GAS7: variants seen among roughly 807,000 people sequenced by gnomAD.
GAS7 encodes growth arrest specific 7, also known as growth arrest-specific protein 7.
A neutral mutation model predicts 71.1 loss-of-function variants in GAS7; 28 were observed. That is an observed-to-expected ratio of 0.39 (90% CI 0.29 to 0.54). The LOEUF (loss-of-function observed/expected upper bound fraction) is 0.54, where lower values mean the gene tolerates loss of function less well. Ranked by LOEUF, GAS7 falls within the 20% of genes least tolerant of loss-of-function variation. GAS7 has a pLI of 0.62. For missense variants in GAS7, 436 were observed against 627.8 expected (o/e 0.69, Z 3.27); for synonymous variants, 258 against 245.8 (o/e 1.05, Z -0.46).
At chr17:9,998,796 G>T (rs1328592104) in intron 2 of GAS7, among the ~76,000 whole-genome samples, 1 of 151,556 alleles carries the variant, frequency 6.6e-6, no homozygotes, top group African/African-American at 2.4e-5. Flanking sequence ...CCATCCTTAC[G>T]CCTGCATTCC....
intron 1 of GAS7, among the ~76,000 whole-genome samples, chr17:10,152,417 G>A (rs1193694789): frequency 1.3e-5 from 2 of 152,214 alleles, no homozygotes; most frequent in African/African-American, 4.8e-5. Context: ...CCTTGACTTT[G>A]TAAAGCATCA....
intron 1 of GAS7, among the ~76,000 whole-genome samples, chr17:10,111,351 G>A (rs2073810527): frequency 8.8e-6 from 1 of 113,266 alleles, no homozygotes; most frequent in Non-Finnish European, 1.9e-5. Flanking sequence ...GGATAACACA[G>A]TGAAACCCCG....
At chr17:9,962,577 G>C (rs1317298590) in intron 4 of GAS7, among the ~76,000 whole-genome samples, 1 of 152,204 alleles carries the variant, frequency 6.6e-6, no homozygotes, top group Admixed American at 6.5e-5. Flanking sequence ...AAGGGGAAGG[G>C]AGAGAACATT....
chr17:10,195,211 A>G (rs1425732333), intron 1 of GAS7, among the ~76,000 whole-genome samples: 1 of 151,898 alleles, frequency 6.6e-6, no homozygotes, highest in East Asian at 1.9e-4. Flanking sequence ...AAAAACCAAG[A>G]CCTCCTCCAA....
intron 1 of GAS7, among the ~76,000 whole-genome samples, chr17:10,086,585 A>G (rs1006581238): frequency 6.6e-6 from 1 of 152,196 alleles, no homozygotes. Flanking sequence ...ATGGCATGAA[A>G]AGGGAAGAAA....
rs115845138 is a variant in GAS7 at position 10,196,371 on chromosome 17, C to T, written c.183+1837G>A. The stretch of plus-strand genomic sequence containing the variant: ...AGAGCTGTCAGGGAACTGGTGATAA[C>T]GTGCACACACTGTGCCAAGCAGGTG... On this transcript the variant is annotated intron_variant, in intron 1 of 13. Coordinates refer to ENST00000432992, the MANE Select transcript of GAS7 (RefSeq NM_201433.2). 6.5e-3 allele frequency among the ~76,000 whole-genome samples: 989 copies of T among 152,294 alleles called. 8 individuals are homozygous for T. The highest frequency in any genetic ancestry group is 0.022 in the African/African-American group (905 of 41,552).
intron 1 of GAS7, among the ~76,000 whole-genome samples, chr17:10,174,508 T>A (rs1210010533): frequency 6.6e-6 from 1 of 151,718 alleles, no homozygotes; most frequent in African/African-American, 2.4e-5. Flanking sequence ...CTGGCTAACA[T>A]GGTGAAACCC....
intron 7 of GAS7, among the ~76,000 whole-genome samples, chr17:9,942,506 T>A (rs907146253): frequency 6.6e-6 from 1 of 152,170 alleles, no homozygotes; most frequent in Non-Finnish European, 1.5e-5. Flanking sequence ...AATTTATTGT[T>A]TCTTCATCTG....
intron 1 of GAS7, chr17:10,059,583 G>T: frequency 2.1e-6 from 1 of 481,044 alleles, no homozygotes; most frequent in South Asian, 8.8e-5. Context: ...GTCATCCAAG[G>T]AAGATTTCTC....
At position 9,914,287 on chromosome 17, in the gene GAS7, C is replaced by A. The variant is rs902803140; in HGVS notation, c.*2941G>T. On this transcript the variant is annotated 3_prime_UTR_variant, in exon 14 of 14. Coordinates refer to ENST00000432992, the MANE Select transcript of GAS7 (RefSeq NM_201433.2). ...TGTCACCCAAGCTGGAGTGCAGTGGCCCGATCTTGGTTCACTGCAATCTCC... is the reference window on the plus strand; with the variant it reads ...TGTCACCCAAGCTGGAGTGCAGTGGACCGATCTTGGTTCACTGCAATCTCC... 22 of 192,268 alleles carry A rather than the reference C, an allele frequency of 1.1e-4. No homozygotes were observed. The highest frequency in any genetic ancestry group is 4.7e-4 in the African/African-American group (20 of 42,974). The allele number at this position is 192,268 out of a possible 1,614,324, so 11.9% of individuals were successfully genotyped here. A position where few individuals can be genotyped will look rare whatever the true frequency, so the allele number is the denominator to read the frequency against.
rs1374785925 is a variant in GAS7 at position 9,919,866 on chromosome 17, G to A, written c.1139-161C>T. On this transcript the variant is annotated intron_variant, in intron 11 of 13. Coordinates refer to ENST00000432992, the MANE Select transcript of GAS7 (RefSeq NM_201433.2). This position sits in a 1 kb window ranked among gnomAD's most constrained non-coding sequence, Gnocchi z 5.0. ...GCAGTAGGAAGAAGAAGAAAGCAGA[G>A]CCAGGGAAGGAAGGGGGCAACCCAG... Among the ~76,000 whole-genome samples, 2 of 152,190 alleles carry A rather than the reference G, an allele frequency of 1.3e-5. No homozygotes were observed. The highest frequency in any genetic ancestry group is 2.9e-5 in the Non-Finnish European group (2 of 68,036).
intron 1 of GAS7, among the ~76,000 whole-genome samples, chr17:10,175,794 C>G (rs1014893664): frequency 2.6e-5 from 4 of 152,238 alleles, no homozygotes; most frequent in Admixed American, 2.0e-4. Flanking sequence ...GCTACTACAG[C>G]TGGCCATGCA....
chr17:10,115,521 G>A (rs965331684), intron 1 of GAS7, among the ~76,000 whole-genome samples: 9 of 152,196 alleles, frequency 5.9e-5, no homozygotes, highest in Non-Finnish European at 1.2e-4. Context: ...GCTGTGCCCC[G>A]GGGAAGCACA....
chr17:10,189,608 G>A (rs983991575), intron 1 of GAS7, among the ~76,000 whole-genome samples: 1 of 151,290 alleles, frequency 6.6e-6, no homozygotes, highest in African/African-American at 2.4e-5. Context: ...ATGTACATCT[G>A]CAGTCCCCCT....
intron 5 of GAS7, among the ~76,000 whole-genome samples, chr17:9,950,261 A>G (rs1040308698): frequency 2.0e-5 from 3 of 152,018 alleles, no homozygotes; most frequent in African/African-American, 7.2e-5. Context: ...TAATCCCAAG[A>G]CTTTGGGAAG....
At chr17:10,147,932 T>C (rs1371874812) in intron 1 of GAS7, among the ~76,000 whole-genome samples, 1 of 152,132 alleles carries the variant, frequency 6.6e-6, no homozygotes, top group Non-Finnish European at 1.5e-5. Flanking sequence ...AACTGCCACT[T>C]CCTAACCTGG....
At chr17:9,946,751 C>T in intron 6 of GAS7, 143 bp downstream of exon 6, 1 of 579,348 alleles carries the variant, frequency 1.7e-6, no homozygotes, top group South Asian at 2.0e-5. Flanking sequence ...GTTCCTGTCA[C>T]AGATGCAAAC....
At chr17:9,938,429 TC>T (rs969308703) in intron 8 of GAS7, among the ~76,000 whole-genome samples, 8 of 127,788 alleles carry the variant, frequency 6.3e-5, no homozygotes, top group African/African-American at 2.5e-4. Context: ...TGAGCTGAGA[TC>T]AGGCCACTCC....
At chr17:10,048,368 G>A (rs963722783) in intron 1 of GAS7, among the ~76,000 whole-genome samples, 10 of 152,056 alleles carry the variant, frequency 6.6e-5, no homozygotes, top group African/African-American at 2.2e-4. Context: ...AAAGAGAAAG[G>A]GTTACCCAGG....
Sources: gnomAD v4.1 joint callset for allele counts (sites outside exome capture counted in the v4.1 genomes callset) on GRCh38, gnomAD v4.1.1 for gene constraint, Gnocchi (gnomAD v3.1) non-coding constraint, MANE v1.5 for transcripts, NCBI Gene and HGNC (gene_info 2026-07-23, HGNC 2026-07-21) for gene names.